The following ARHGEF40 variants were observed in gnomAD, a reference collection of about 807,000 sequenced individuals.
ARHGEF40 encodes the protein Rho guanine nucleotide exchange factor (GEF) 40.
A neutral mutation model predicts 165.9 loss-of-function variants in ARHGEF40; 98 were observed. The observed-to-expected ratio is 0.59, with a 90% CI of 0.50 to 0.70. The LOEUF is 0.70. Among genes scored for constraint, ARHGEF40 ranks in the 30% least tolerant of loss-of-function variants. The probability of loss-of-function intolerance (pLI) is 0.00; values close to 1 mark genes in which losing one functional copy is unlikely to be tolerated. For synonymous variants in ARHGEF40, 792 were observed against 814.3 expected (o/e 0.97, Z 0.47); for missense variants, 1,815 against 1,968.0 (o/e 0.92, Z 1.47).
At position 21,081,766 on chromosome 14, in the gene ARHGEF40, A is replaced by G; in HGVS notation, c.2898A>G (p.Arg966=). ...AGGAGGCGAGCCCACGGGGCTACCGACGACGGCGGGCAGACGGTGCCAGCA... is the reference window on the plus strand; with the variant it reads ...AGGAGGCGAGCCCACGGGGCTACCGGCGACGGCGGGCAGACGGTGCCAGCA... The part of the protein sequence containing the change: ...VGEEASPRGY[R]RRRADGASSG... Residue 966 remains arginine (R), a synonymous_variant, in exon 14 of 24, where the codon CGA becomes CGG. Transcript: ENST00000298694. The G allele has an allele frequency of 1.3e-6, 2 of 1,589,812 alleles. No individual in the cohort carries two copies. The highest frequency in any genetic ancestry group is 1.7e-6 in the Non-Finnish European group (2 of 1,168,778).
At chr14:21,087,787 C>G in intron 21 of ARHGEF40, 181 bp from the exon 22 acceptor site, 1 of 833,040 alleles carries the variant, frequency 1.2e-6, no homozygotes. Flanking sequence ...CCTGGTTGCT[C>G]TAATGATGCT....
intron 19 of ARHGEF40, chr14:21,086,193 A>C (rs1045423317): frequency 7.1e-6 from 2 of 279,988 alleles, no homozygotes; most frequent in Non-Finnish European, 1.4e-5. Context: ...GCCTGGGCAC[A>C]TAGTGAGACC....
At chr14:21,087,659 C>A in intron 21 of ARHGEF40, 196 bp downstream of exon 21, 2 of 794,078 alleles carry the variant, frequency 2.5e-6, no homozygotes, top group Non-Finnish European at 3.9e-6. Flanking sequence ...TGCTAAGAAG[C>A]ACTTCCTCTG....
chr14:21,087,454 A>G lies in ARHGEF40; in HGVS notation c.4378A>G (p.Ile1460Val). Residue 1460 changes from isoleucine to valine, a missense_variant, in exon 21 of 24, where the codon ATT (isoleucine) becomes GTT (valine). Physicochemically the swap from Ile to Val is conservative, Grantham distance 29. Transcript: ENST00000298694. ...GGCCTGGGATCTGGACGTCAAGCAAATTTCCCTGGGTGAGGCACCTCTCAA... is the reference window on the plus strand; with the variant it reads ...GGCCTGGGATCTGGACGTCAAGCAAGTTTCCCTGGGTGAGGCACCTCTCAA... ...EEAWDLDVKQ[I>V]SLAPETLDSS... 1 of 1,600,474 alleles carries G rather than the reference A, an allele frequency of 6.2e-7. No homozygotes were observed.
chr14:21,070,789 C>A lies in ARHGEF40; in HGVS notation c.3+390C>A. The A allele has an allele frequency of 6.5e-7, 1 of 1,534,566 alleles. No homozygotes were observed. ...CCCTGCGGGTTGGTCCTGCAGCGAC[C>A]CTGGAAGAGGCCCGGCCCCTCGGGT... On this transcript the variant is annotated intron_variant, in intron 1 of 23. Coordinates refer to ENST00000298694, the MANE Select transcript of ARHGEF40 (RefSeq NM_018071.5). The surrounding 1 kb of genome is among the most constrained non-coding windows in gnomAD (Gnocchi z 4.7).
At chr14:21,062,395 T>A in the ARHGEF40 span, among the ~76,000 whole-genome samples, 1 of 152,184 alleles carries the variant, frequency 6.6e-6, no homozygotes, top group Non-Finnish European at 1.5e-5. Flanking sequence ...GAGTGGAACC[T>A]GGACCTCTGT....
chr14:21,061,656 T>A, the ARHGEF40 span, among the ~76,000 whole-genome samples: 3 of 152,216 alleles, frequency 2.0e-5, no homozygotes, highest in Non-Finnish European at 4.4e-5. Flanking sequence ...ATAAATATTT[T>A]CCAGTGGGTA....
chr14:21,072,953 G>A lies in ARHGEF40; in HGVS notation c.4-92G>A. 9.8e-6 allele frequency: 13 copies of A among 1,320,228 alleles called. No homozygotes were observed. The highest frequency in any genetic ancestry group is 1.3e-5 in the Non-Finnish European group (12 of 950,132). The allele number at this position is 1,320,228 out of a possible 1,614,324, so 81.8% of individuals were successfully genotyped here. ...GCCCACATTGTACAATCGGGGCTTT[G>A]GAGAACACAGCCAACCCCAGACCAG... On this transcript the variant is annotated intron_variant, in intron 1 of 23. Coordinates refer to ENST00000298694, the MANE Select transcript of ARHGEF40 (RefSeq NM_018071.5). This position sits in a 1 kb window ranked among gnomAD's most constrained non-coding sequence, Gnocchi z 4.1.
intron 21 of ARHGEF40, 102 bp downstream of exon 21, chr14:21,087,565 G>A: frequency 6.6e-7 from 1 of 1,508,198 alleles, no homozygotes. Context: ...AAGAAGCCCA[G>A]TTGCCATGAC....
chr14:21,080,510 C>A, intron 11 of ARHGEF40, 150 bp from the exon 12 acceptor site: 1 of 877,894 alleles, frequency 1.1e-6, no homozygotes, highest in East Asian at 2.8e-5. Context: ...AAACTATTAC[C>A]ATTCACTGTT....
At chr14:21,070,024 G>A (rs115637757), upstream of ARHGEF40, among the ~76,000 whole-genome samples, 2,030 of 152,240 alleles carry the variant, frequency 0.013, 45 homozygotes, top group African/African-American at 0.046. The surrounding 1 kb of genome is among the most constrained non-coding windows in gnomAD (Gnocchi z 4.7). Flanking sequence ...GGCTGGGCGG[G>A]CCTCCGAGGG....
intron 8 of ARHGEF40, among the ~76,000 whole-genome samples, chr14:21,077,168 G>A (rs991491646): frequency 2.0e-5 from 3 of 151,828 alleles, no homozygotes; most frequent in African/African-American, 2.4e-5. Context: ...GCAATGCTTC[G>A]ATCACAGCTT....
chr14:21,082,479 G>A lies in ARHGEF40; in HGVS notation c.3486+1G>A, dbSNP rs1888004979. ...CATTGGGGCCTGCTTCCTTCGCCAC[G>A]TGAGTGATCCCCTCAACTTCTTCCA... On this transcript the variant is annotated splice_donor_variant, in intron 15 of 23. Transcript: ENST00000298694. LOFTEE classifies it high-confidence loss of function. 3 of 1,575,050 alleles carry A rather than the reference G, an allele frequency of 1.9e-6. No individual in the cohort carries two copies. The highest frequency in any genetic ancestry group is 1.4e-5 in the African/African-American group (1 of 73,738).
intron 8 of ARHGEF40, among the ~76,000 whole-genome samples, chr14:21,077,417 C>T (rs1312123540): frequency 6.6e-6 from 1 of 151,666 alleles, no homozygotes; most frequent in Non-Finnish European, 1.5e-5. Flanking sequence ...CTATGCCCAG[C>T]CAAATAAATT....
chr14:21,083,830 C>T lies in ARHGEF40; in HGVS notation c.3574-5C>T. 6.2e-7 allele frequency: 1 copy of T among 1,612,140 alleles called. No individual in the cohort carries two copies. Among genetic ancestry groups the T allele is most frequent in the Non-Finnish European group, 8.5e-7 (1 of 1,179,146 alleles). On this transcript the variant is annotated splice_polypyrimidine_tract_variant and splice_region_variant and intron_variant, in intron 16 of 23. Coordinates refer to ENST00000298694, the MANE Select transcript of ARHGEF40 (RefSeq NM_018071.5). ...CCCTCATCCCTGTCTGTGTCCTCAA[C>T]CTAGGGCTCCATGGAGGCTGGCCCT...
At position 21,074,051 on chromosome 14, in the gene ARHGEF40, G is replaced by A. The variant is rs1242568421; in HGVS notation, c.321G>A (p.Leu107=). The change falls in exon 3 of 24, where the codon CTG becomes CTA. Residue 107 remains leucine, a synonymous_variant. Transcript: ENST00000298694. The surrounding 1 kb of genome is among the most constrained non-coding windows in gnomAD (Gnocchi z 4.8). ...TGCTGCGCCCAGGAGACTTCTATCT[G>A]CAGGTGGTGCCCTCAGCTGCCCAAG... The part of the protein sequence containing the change: ...WQLLRPGDFY[L]QVVPSAAQAP... 1.2e-6 allele frequency: 2 copies of A among 1,613,996 alleles called. No homozygotes were observed. Among genetic ancestry groups the A allele is most frequent in the Non-Finnish European group, 1.7e-6 (2 of 1,180,042 alleles).
chr14:21,081,756 G>C lies in ARHGEF40; in HGVS notation c.2888G>C (p.Arg963Pro). 2 of 1,587,270 alleles carry C rather than the reference G, an allele frequency of 1.3e-6. No individual in the cohort carries two copies. The highest frequency in any genetic ancestry group is 1.7e-6 in the Non-Finnish European group (2 of 1,167,306). Residue 963 changes from arginine to proline, a missense_variant, in exon 14 of 24, where the codon CGG becomes CCG. Transcript: ENST00000298694. ...CACGTGGGAGAGGAGGCGAGCCCAC[G>C]GGGCTACCGACGACGGCGGGCAGAC... ...QQHVGEEASP[R>P]GYRRRRADGA...
At chr14:21,066,631 G>T (rs61978193), upstream of ARHGEF40, among the ~76,000 whole-genome samples, 51,753 of 152,132 alleles carry the variant, frequency 0.34, 10,864 homozygotes, top group East Asian at 0.47. Context: ...ACCGTGCCCA[G>T]CCTGATTTAT....
intron 16 of ARHGEF40, 55 bp from the exon 17 acceptor site, chr14:21,083,780 T>A: frequency 6.6e-7 from 1 of 1,506,620 alleles, no homozygotes; most frequent in Non-Finnish European, 9.1e-7. Context: ...ACCCCTGAGC[T>A]TGGCCCCCAG....
Sources: gnomAD v4.1 joint callset for allele counts (sites outside exome capture counted in the v4.1 genomes callset) on GRCh38, gnomAD v4.1.1 for gene constraint, Gnocchi (gnomAD v3.1) non-coding constraint, MANE v1.5 for transcripts, NCBI Gene and HGNC (gene_info 2026-07-23, HGNC 2026-07-21) for gene names.